COBL: variants seen among roughly 807,000 people sequenced by gnomAD.
COBL encodes cordon-bleu WH2 repeat protein.
In COBL, 51 loss-of-function variants were observed where a neutral mutation model predicts 98.8. The observed-to-expected ratio is 0.52, with a 90% CI of 0.41 to 0.65. COBL has a LOEUF of 0.65. Among genes scored for constraint, COBL ranks in the 30% least tolerant of loss-of-function variants. COBL has a pLI of 0.00. For missense variants in COBL, 1,617 were observed against 1,617.5 expected (o/e 1.00, Z 0.01); for synonymous variants, 634 against 651.7 (o/e 0.97, Z 0.41).
intron 5 of COBL, among the ~76,000 whole-genome samples, chr7:51,155,173 T>C (rs527301375): frequency 6.6e-6 from 1 of 152,168 alleles, no homozygotes; most frequent in African/African-American, 2.4e-5. Context: ...AGAAATGGTT[T>C]TGGACACAGC....
At chr7:51,242,809 C>T (rs1205466681) in intron 1 of COBL, among the ~76,000 whole-genome samples, 1 of 152,206 alleles carries the variant, frequency 6.6e-6, no homozygotes, top group Non-Finnish European at 1.5e-5. Context: ...CCCACTCGCC[C>T]AGGTGCTTCC....
Position 51,025,334 on chromosome 7 carries a change from T to G in COBL, c.3543A>C (p.Arg1181=), listed in dbSNP as rs1055327304. Residue 1181 remains arginine (R), a synonymous_variant, in exon 12 of 13, where the codon CGA becomes CGC. Transcript: ENST00000265136. The stretch of plus-strand genomic sequence containing the variant: ...AGCCCTGAGCAGAGAGTGCGGCATC[T>G]CGGAAGCTCTGGAGCTCCTCAGAAG... ...SSASEELQSF[R]DAALSAQGSE... 6.2e-7 allele frequency: 1 copy of G among 1,613,424 alleles called. No individual in the cohort carries two copies. The highest frequency in any genetic ancestry group is 1.7e-5 in the Admixed American group (1 of 60,016).
chr7:51,040,310 G>A (rs926541429), intron 8 of COBL, among the ~76,000 whole-genome samples: 3 of 151,792 alleles, frequency 2.0e-5, no homozygotes, highest in African/African-American at 7.3e-5. Context: ...TCCATGCAAG[G>A]GCAGAGTCAA....
At chr7:51,111,051 C>T (rs1368447692) in intron 6 of COBL, among the ~76,000 whole-genome samples, 1 of 152,142 alleles carries the variant, frequency 6.6e-6, no homozygotes. Flanking sequence ...GGGTAGATGC[C>T]CAGTAGTGGG....
intron 6 of COBL, among the ~76,000 whole-genome samples, chr7:51,088,583 C>T (rs753594217): frequency 2.0e-5 from 3 of 152,170 alleles, no homozygotes; most frequent in Non-Finnish European, 2.9e-5. Flanking sequence ...CCATATGCAT[C>T]GCACTTTCCT....
chr7:51,026,793 G>A, intron 10 of COBL, 128 bp from the exon 11 acceptor site: 1 of 1,178,726 alleles, frequency 8.5e-7, no homozygotes, highest in Non-Finnish European at 1.2e-6. Flanking sequence ...ATCTACTCGG[G>A]AGGCTGTGGC....
Position 51,028,577 on chromosome 7 carries a change from C to T in COBL, c.2519G>A (p.Gly840Asp), listed in dbSNP as rs1027835971. The T allele has an allele frequency of 1.9e-6, 3 of 1,614,080 alleles. No individual in the cohort carries two copies. The highest frequency in any genetic ancestry group is 2.5e-6 in the Non-Finnish European group (3 of 1,180,030). The change falls in exon 10 of 13, where the codon GGC becomes GAC. Residue 840 changes from glycine to aspartate, a missense_variant. By Grantham distance (94) the Gly-to-Asp change is moderately conservative. This residue lies in a region of COBL where 1,304 missense variants were observed against 1,282.0 expected (regional missense o/e 1.02). Transcript: ENST00000265136. Reference protein sequence around the residue: ...GEGRNQPPTMGMGHVRVPAAH... With the variant: ...GEGRNQPPTMDMGHVRVPAAH... ...TGCTGGCACCCTCACGTGACCCATGCCCATGGTGGGGGGCTGGTTTCTCCC... is the reference window on the plus strand; with the variant it reads ...TGCTGGCACCCTCACGTGACCCATGTCCATGGTGGGGGGCTGGTTTCTCCC...
intron 5 of COBL, among the ~76,000 whole-genome samples, chr7:51,140,021 T>C (rs1799587699): frequency 6.6e-6 from 1 of 152,150 alleles, no homozygotes; most frequent in African/African-American, 2.4e-5. Flanking sequence ...AGTTCTTTTT[T>C]TGTAGGGAAG....
Position 51,017,170 on chromosome 7 carries a change from T to C in COBL, c.*381A>G, listed in dbSNP as rs1786356248. The C allele has an allele frequency of 4.2e-6, 2 of 474,582 alleles. No individual in the cohort carries two copies. The highest frequency in any genetic ancestry group is 3.9e-5 in the African/African-American group (2 of 50,736). 29.4% of individuals were successfully genotyped at this position (474,582 alleles called of 1,614,324 possible). On this transcript the variant is annotated 3_prime_UTR_variant, in exon 13 of 13. Coordinates refer to ENST00000265136, the MANE Select transcript of COBL (RefSeq NM_015198.5). ...ATCAGTAAGTAGTTTCATCCATCTG[T>C]ATGTGGTAAAAGTCTCAAAGGTCCA...
intron 7 of COBL, among the ~76,000 whole-genome samples, chr7:51,074,287 C>G (rs1286980492): frequency 6.7e-6 from 1 of 148,606 alleles, no homozygotes; most frequent in Non-Finnish European, 1.5e-5. Context: ...CCTCCAACTC[C>G]CTGATTCAAG....
At chr7:51,107,745 C>G (rs1796445239) in intron 6 of COBL, among the ~76,000 whole-genome samples, 1 of 152,164 alleles carries the variant, frequency 6.6e-6, no homozygotes, top group South Asian at 2.1e-4. Context: ...CCCAAAGAGG[C>G]CCTTAGAGGC....
intron 6 of COBL, among the ~76,000 whole-genome samples, chr7:51,104,907 G>A (rs938258574): frequency 4.8e-4 from 73 of 152,146 alleles, no homozygotes; most frequent in Middle Eastern, 3.4e-3. Flanking sequence ...GTAACCAACC[G>A]CAAGTTCATG....
At chr7:51,224,657 G>T (rs537330042) in intron 1 of COBL, among the ~76,000 whole-genome samples, 18 of 151,478 alleles carry the variant, frequency 1.2e-4, no homozygotes, top group African/African-American at 4.4e-4. Flanking sequence ...AGCACACCAC[G>T]GTGTCTGGGT....
At chr7:51,193,708 G>GA (rs1790336928) in intron 2 of COBL, 119 bp from the exon 3 acceptor site, 6 of 834,768 alleles carry the variant, frequency 7.2e-6, no homozygotes, top group African/African-American at 3.4e-5. Context: ...ATATGCTTAT[G>GA]AAAAAAGACA....
chr7:51,293,941 T>C (rs1401570066), intron 1 of COBL, among the ~76,000 whole-genome samples: 1 of 152,056 alleles, frequency 6.6e-6, no homozygotes, highest in Non-Finnish European at 1.5e-5. Context: ...GTGCTCCCAG[T>C]ATATAAGTGA....
chr7:51,260,324 T>C (rs1373885697), intron 1 of COBL, among the ~76,000 whole-genome samples: 2 of 152,190 alleles, frequency 1.3e-5, no homozygotes, highest in African/African-American at 4.8e-5. Context: ...TATGTAAAGT[T>C]TGCATTGAAA....
At chr7:51,187,310 G>GTATA (rs67807746) in intron 4 of COBL, among the ~76,000 whole-genome samples, 1,481 of 138,232 alleles carry the variant, frequency 0.011, 12 homozygotes, top group African/African-American at 0.026. Flanking sequence ...ATATGTTTAA[G>GTATA]TATATATATA....
chr7:51,098,224 C>CTTTTTTTTTTTTTTTTTTTTTTTTTTT (rs551768231), intron 6 of COBL, among the ~76,000 whole-genome samples: 1,047 of 100,682 alleles, frequency 0.01, 186 homozygotes, highest in African/African-American at 0.016. Flanking sequence ...ATAGCAGTTT[C>CTTTTTTTTTTTTTTTTTTTTTTTTTTT]TTTTTTTTTT....
intron 5 of COBL, among the ~76,000 whole-genome samples, chr7:51,154,530 G>C (rs1785909610): frequency 6.6e-6 from 1 of 152,172 alleles, no homozygotes; most frequent in African/African-American, 2.4e-5. Context: ...CCCAGCAAAA[G>C]CATTAAAATG....
Sources: gnomAD v4.1 joint callset for allele counts (sites outside exome capture counted in the v4.1 genomes callset) on GRCh38, gnomAD v4.1.1 for gene constraint, gnomAD v4.1.1 regional missense constraint, MANE v1.5 for transcripts, NCBI Gene and HGNC (gene_info 2026-07-23, HGNC 2026-07-21) for gene names.